The following SCHIP1 variants were observed in gnomAD, a reference collection of about 807,000 sequenced individuals.
SCHIP1 encodes schwannomin interacting protein 1.
SCHIP1 carries 8 observed loss-of-function variants against 29.7 expected under a neutral mutation model. The observed-to-expected ratio is 0.27, with a 90% CI of 0.16 to 0.49. The LOEUF (loss-of-function observed/expected upper bound fraction) is 0.49, where lower values mean the gene tolerates loss of function less well. Ranked by LOEUF, SCHIP1 falls within the 20% of genes least tolerant of loss-of-function variation. The probability of loss-of-function intolerance (pLI) is 0.99; values close to 1 mark genes in which losing one functional copy is unlikely to be tolerated. For synonymous variants in SCHIP1, 76 were observed against 94.9 expected (o/e 0.80, Z 1.16); for missense variants, 193 against 294.6 (o/e 0.66, Z 2.52).
the SCHIP1 span, among the ~76,000 whole-genome samples, chr3:159,798,556 G>A: frequency 6.6e-6 from 1 of 151,934 alleles, no homozygotes; most frequent in Non-Finnish European, 1.5e-5. Flanking sequence ...TCAGGAGTTC[G>A]AGACCAGCCT....
the SCHIP1 span, among the ~76,000 whole-genome samples, chr3:159,413,837 A>T: frequency 6.6e-6 from 1 of 152,220 alleles, no homozygotes; most frequent in African/African-American, 2.4e-5. Flanking sequence ...TGTTAAAAAT[A>T]TAAATTCATC....
chr3:159,413,216 T>A, the SCHIP1 span, among the ~76,000 whole-genome samples: 41 of 152,286 alleles, frequency 2.7e-4, no homozygotes, highest in African/African-American at 9.6e-4. Context: ...ATTATTAGAA[T>A]TCAAGGTGAT....
chr3:159,404,597 G>A, the SCHIP1 span, among the ~76,000 whole-genome samples: 3 of 152,160 alleles, frequency 2.0e-5, no homozygotes, highest in South Asian at 4.1e-4. Context: ...CTTGTGGCCT[G>A]AGTGCTAACT....
chr3:159,351,619 A>G, the SCHIP1 span, among the ~76,000 whole-genome samples: 2,597 of 152,268 alleles, frequency 0.017, 91 homozygotes, highest in African/African-American at 0.06. Context: ...GTAGGAATCA[A>G]TGCATTCCAT....
chr3:159,771,007 A>C, the SCHIP1 span, among the ~76,000 whole-genome samples: 2 of 152,246 alleles, frequency 1.3e-5, no homozygotes, highest in South Asian at 2.1e-4. Flanking sequence ...GATAAGAACA[A>C]TTTTAATTGA....
chr3:159,767,464 GAGA>G, the SCHIP1 span, among the ~76,000 whole-genome samples: 3 of 152,154 alleles, frequency 2.0e-5, no homozygotes, highest in African/African-American at 7.2e-5. Context: ...ACAGAAACCG[GAGA>G]AGAACAAAGG....
chr3:159,356,469 C>T, the SCHIP1 span, among the ~76,000 whole-genome samples: 1 of 151,938 alleles, frequency 6.6e-6, no homozygotes, highest in Non-Finnish European at 1.5e-5. Flanking sequence ...TTAGCAAGTC[C>T]CTATTTCTAC....
chr3:159,305,787 G>T, the SCHIP1 span, among the ~76,000 whole-genome samples: 3,350 of 152,264 alleles, frequency 0.022, 115 homozygotes, highest in African/African-American at 0.076. Flanking sequence ...CAAGATTCAG[G>T]GAGGTTAAAT....
At chr3:159,493,284 C>T in the SCHIP1 span, among the ~76,000 whole-genome samples, 1 of 152,164 alleles carries the variant, frequency 6.6e-6, no homozygotes, top group Non-Finnish European at 1.5e-5. Context: ...GCTAAATGCT[C>T]CAATTAAAAA....
At chr3:159,597,304 A>G in the SCHIP1 span, among the ~76,000 whole-genome samples, 1 of 152,200 alleles carries the variant, frequency 6.6e-6, no homozygotes, top group Admixed American at 6.6e-5. Flanking sequence ...GAGGCTATTT[A>G]GGGTGTCCAT....
chr3:159,489,994 A>G, the SCHIP1 span, among the ~76,000 whole-genome samples: 5 of 152,180 alleles, frequency 3.3e-5, no homozygotes, highest in Admixed American at 3.3e-4. Context: ...CTGAGTATGA[A>G]GAAGGTCCTC....
At chr3:159,342,322 T>C in the SCHIP1 span, among the ~76,000 whole-genome samples, 1 of 152,216 alleles carries the variant, frequency 6.6e-6, no homozygotes, top group African/African-American at 2.4e-5. Context: ...ATATCCCTGA[T>C]TTAGATAAAG....
At chr3:159,344,519 A>G in the SCHIP1 span, among the ~76,000 whole-genome samples, 1 of 152,160 alleles carries the variant, frequency 6.6e-6, no homozygotes, top group Admixed American at 6.5e-5. Flanking sequence ...ATGTCTGTTG[A>G]TCTTTCTCCC....
chr3:159,364,087 T>C, the SCHIP1 span, among the ~76,000 whole-genome samples: 2 of 152,156 alleles, frequency 1.3e-5, no homozygotes, highest in African/African-American at 4.8e-5. Flanking sequence ...AAATACAGAT[T>C]TTGATAACTT....
chr3:159,294,402 T>G, the SCHIP1 span, among the ~76,000 whole-genome samples: 1 of 152,202 alleles, frequency 6.6e-6, no homozygotes, highest in Non-Finnish European at 1.5e-5. Flanking sequence ...AACGAGATGC[T>G]TTAAAAATAT....
the SCHIP1 span, among the ~76,000 whole-genome samples, chr3:159,601,977 G>C: frequency 2.6e-4 from 39 of 152,304 alleles, no homozygotes; most frequent in African/African-American, 8.7e-4. Context: ...ACCCGTTTAG[G>C]TCTCATAGGG....
the SCHIP1 span, among the ~76,000 whole-genome samples, chr3:159,302,787 C>A: frequency 1.3e-5 from 2 of 152,296 alleles, no homozygotes; most frequent in Non-Finnish European, 2.9e-5. Flanking sequence ...TTGCTTGGAG[C>A]TGCCCCAGTT....
At chr3:159,313,025 G>A in the SCHIP1 span, among the ~76,000 whole-genome samples, 1 of 152,120 alleles carries the variant, frequency 6.6e-6, no homozygotes, top group Admixed American at 6.6e-5. Context: ...AATTGCCAAA[G>A]TATTTGTATC....
chr3:159,754,075 T>C, the SCHIP1 span, among the ~76,000 whole-genome samples: 1 of 152,102 alleles, frequency 6.6e-6, no homozygotes, highest in Non-Finnish European at 1.5e-5. Context: ...AAATCCCACT[T>C]GGAGAAAATA....
Sources: gnomAD v4.1 joint callset for allele counts (sites outside exome capture counted in the v4.1 genomes callset) on GRCh38, gnomAD v4.1.1 for gene constraint, MANE v1.5 for transcripts, NCBI Gene and HGNC (gene_info 2026-07-23, HGNC 2026-07-21) for gene names.